Variants in OTOP2 observed in about 807,000 individuals in gnomAD.
OTOP2 encodes otopetrin 2.
A neutral mutation model predicts 47.4 loss-of-function variants in OTOP2; 41 were observed. The ratio of observed to expected loss-of-function variants is 0.87; its 90% CI spans 0.67 to 1.12. The LOEUF is 1.12. Ranked by LOEUF, OTOP2 falls within the 50% of genes most tolerant of loss-of-function variation. The probability of loss-of-function intolerance (pLI) is 0.00; values close to 1 mark genes in which losing one functional copy is unlikely to be tolerated. For missense variants in OTOP2, 721 were observed against 752.2 expected, an observed-to-expected ratio of 0.96 and a Z score of 0.49; for synonymous variants, 328 against 319.6, an observed-to-expected ratio of 1.03 and a Z score of -0.28.
intron 6 of OTOP2, among the ~76,000 whole-genome samples, chr17:74,932,349 G>A (rs1002104211): frequency 4.6e-5 from 7 of 152,104 alleles, no homozygotes; most frequent in African/African-American, 1.7e-4. Flanking sequence ...AGGTACACCA[G>A]TGGCCCTAAC....
intron 5 of OTOP2, among the ~76,000 whole-genome samples, chr17:74,928,843 C>T (rs936023619): frequency 3.3e-5 from 5 of 152,128 alleles, no homozygotes; most frequent in Admixed American, 6.5e-5. Context: ...TGGGAGGGTC[C>T]GGCAACAGAA....
In OTOP2 at chr17:74,930,775, C is replaced by T. The variant is rs778323840; in HGVS notation, c.1140C>T (p.Tyr380=). 33 of 1,614,038 alleles carry T rather than the reference C, an allele frequency of 2.0e-5. No homozygotes were observed. In the Admixed American group the frequency reaches 3.8e-4, roughly 19 times the overall value. ...TGATGGGTGCCGCCCTGGGTCAGTA[C>T]GCCATCTCTTACTACTCCATCGTGG... ...ALLMGAALGQ[Y]AISYYSIVAV... is the part of the protein sequence containing the mutation. The change falls in exon 6 of 7, where the codon TAC becomes TAT. Residue 380 remains tyrosine (Y), a synonymous_variant. Coordinates refer to ENST00000331427, the MANE Select transcript of OTOP2 (RefSeq NM_178160.3). This position sits in a 1 kb window ranked among gnomAD's most constrained non-coding sequence, Gnocchi z 4.0.
chr17:74,933,645 G>A lies in OTOP2; in HGVS notation c.*100G>A, dbSNP rs937307548. On this transcript the variant is annotated 3_prime_UTR_variant, in exon 7 of 7. Transcript: ENST00000331427. This position sits in a 1 kb window ranked among gnomAD's most constrained non-coding sequence, Gnocchi z 4.7. ...GAATCCCAGCTGGTGCCATATGACA[G>A]CCCATTTCCTTCTGGTCCCAGAGTG... The A allele has an allele frequency of 1.5e-6, 2 of 1,311,686 alleles. No individual in the cohort carries two copies. Among genetic ancestry groups the A allele is most frequent in the Non-Finnish European group, 1.0e-6 (1 of 977,240 alleles). The allele number at this position is 1,311,686 out of a possible 1,614,324, so 81.3% of individuals were successfully genotyped here.
At chr17:74,927,412 G>A in intron 4 of OTOP2, 131 bp downstream of exon 4, 1 of 1,162,184 alleles carries the variant, frequency 8.6e-7, no homozygotes. Context: ...AGCCCTCCTT[G>A]CTTTGTCAGG....
Position 74,930,137 on chromosome 17 carries a change from C to A in OTOP2, c.644-142C>A. ...GGTGAAGCTTGCAGTGAGCCAAGATCACACCATTGCACTCCAGCCTGAGCA... is the reference window on the plus strand; with the variant it reads ...GGTGAAGCTTGCAGTGAGCCAAGATAACACCATTGCACTCCAGCCTGAGCA... On this transcript the variant is annotated intron_variant, in intron 5 of 6. Coordinates refer to ENST00000331427, the MANE Select transcript of OTOP2 (RefSeq NM_178160.3). This position sits in a 1 kb window ranked among gnomAD's most constrained non-coding sequence, Gnocchi z 4.0. 1 of 909,164 alleles carries A rather than the reference C, an allele frequency of 1.1e-6. No individual in the cohort carries two copies. The allele number at this position is 909,164 out of a possible 1,614,324, so 56.3% of individuals were successfully genotyped here.
chr17:74,933,225 T>A lies in OTOP2; in HGVS notation c.1519-150T>A. ...GTGTGCTAGGTCCTGTCCAAAATGCTAGAGCTGCCCATTCACTGACACCCA... is the reference window on the plus strand; with the variant it reads ...GTGTGCTAGGTCCTGTCCAAAATGCAAGAGCTGCCCATTCACTGACACCCA... On this transcript the variant is annotated intron_variant, in intron 6 of 6. Coordinates refer to ENST00000331427, the MANE Select transcript of OTOP2 (RefSeq NM_178160.3). The surrounding 1 kb of genome is among the most constrained non-coding windows in gnomAD (Gnocchi z 4.7). 1.1e-6 allele frequency: 1 copy of A among 936,728 alleles called. No individual in the cohort carries two copies. The highest frequency in any genetic ancestry group is 1.7e-5 in the South Asian group (1 of 59,106). The allele number at this position is 936,728 out of a possible 1,614,324, so 58.0% of individuals were successfully genotyped here.
intron 4 of OTOP2, 62 bp from the exon 5 acceptor site, chr17:74,927,603 A>G: frequency 6.4e-7 from 1 of 1,569,584 alleles, no homozygotes; most frequent in Non-Finnish European, 8.6e-7. Flanking sequence ...AGCTCTCAGT[A>G]TTGCTCCCCA....
chr17:74,930,489 T>C lies in OTOP2; in HGVS notation c.854T>C (p.Phe285Ser), dbSNP rs2039045511. The C allele has an allele frequency of 1.2e-6, 2 of 1,613,316 alleles. No homozygotes were observed. The highest frequency in any genetic ancestry group is 2.7e-5 in the African/African-American group (2 of 74,908). ...HSHTPTPVSL[F>S]RETFFAGPVL... ...CACACCCCAACCCCTGTCAGCCTCT[T>C]CCGGGAGACCTTTTTTGCTGGCCCG... Residue 285 changes from phenylalanine to serine, a missense_variant, in exon 6 of 7, where the codon TTC (phenylalanine) becomes TCC (serine). Coordinates refer to ENST00000331427, the MANE Select transcript of OTOP2 (RefSeq NM_178160.3). This position sits in a 1 kb window ranked among gnomAD's most constrained non-coding sequence, Gnocchi z 4.0.
At chr17:74,928,070 C>T in intron 5 of OTOP2, 3 of 435,746 alleles carry the variant, frequency 6.9e-6, no homozygotes, top group Non-Finnish European at 1.2e-5. Context: ...GGACCAGGTG[C>T]AGTGGCTCAT....
chr17:74,930,847 C>T lies in OTOP2; in HGVS notation c.1212C>T (p.Leu404=). 1 of 1,614,132 alleles carries T rather than the reference C, an allele frequency of 6.2e-7. No homozygotes were observed. The highest frequency in any genetic ancestry group is 1.3e-5 in the African/African-American group (1 of 75,016). The change falls in exon 6 of 7, where the codon CTC becomes CTT. Residue 404 remains leucine (L), a synonymous_variant. Coordinates refer to ENST00000331427, the MANE Select transcript of OTOP2 (RefSeq NM_178160.3). The surrounding 1 kb of genome is among the most constrained non-coding windows in gnomAD (Gnocchi z 4.0). ...AGGACCTGCTGGCAGGGCTCAACCT[C>T]ACCCATGCACTGCTCATGATCGCCC... ...TPQDLLAGLN[L]THALLMIAQH... is the part of the protein sequence containing the mutation.
intron 5 of OTOP2, among the ~76,000 whole-genome samples, chr17:74,929,980 C>G (rs2039040373): frequency 6.6e-6 from 1 of 152,092 alleles, no homozygotes; most frequent in Admixed American, 6.5e-5. Flanking sequence ...GTCAGGAGTT[C>G]AAGACCAGCC....
At position 74,924,727 on chromosome 17, in the gene OTOP2, C is replaced by T. The variant is rs1392190825; in HGVS notation, c.95C>T (p.Ser32Leu). 2.5e-6 allele frequency: 4 copies of T among 1,607,974 alleles called. No individual in the cohort carries two copies. In the African/African-American group the frequency reaches 4.0e-5, roughly 16 times the overall value. Residue 32 changes from serine (S) to leucine (L), a missense_variant, in exon 2 of 7, where the codon TCG (serine) becomes TTG (leucine). Physicochemically the swap from Ser to Leu is moderately radical, Grantham distance 145. Transcript: ENST00000331427. This position sits in a 1 kb window ranked among gnomAD's most constrained non-coding sequence, Gnocchi z 7.7. ...EVWKKGGRLL[S>L]VLLAVNVLLL... is the part of the protein sequence containing the mutation. ...TGGAAGAAGGGTGGCCGCCTGCTGT[C>T]GGTGCTGCTGGCGGTGAACGTGCTG...
At position 74,933,538 on chromosome 17, in the gene OTOP2, T is replaced by C. The variant is rs1174821058; in HGVS notation, c.1682T>C (p.Leu561Pro). The change falls in exon 7 of 7, where the codon CTG (leucine) becomes CCG (proline). Residue 561 changes from leucine to proline, a missense_variant. Physicochemically the swap from Leu to Pro is moderately conservative, Grantham distance 98. Transcript: ENST00000331427. This position sits in a 1 kb window ranked among gnomAD's most constrained non-coding sequence, Gnocchi z 4.7. ...TCCAGCCTGCTGGAGGTCTACGTGCTGTCCTGAGGCCTCCAACAGAGGCAT... is the reference window on the plus strand; with the variant it reads ...TCCAGCCTGCTGGAGGTCTACGTGCCGTCCTGAGGCCTCCAACAGAGGCAT... ...AVSSLLEVYVLS is the reference protein window; with the variant it reads ...AVSSLLEVYVPS The C allele has an allele frequency of 1.2e-6, 2 of 1,600,070 alleles. No individual in the cohort carries two copies. The highest frequency in any genetic ancestry group is 1.7e-6 in the Non-Finnish European group (2 of 1,169,226).
Position 74,931,116 on chromosome 17 carries a change from A to G in OTOP2, c.1481A>G (p.Lys494Arg), listed in dbSNP as rs752696117. 6.2e-7 allele frequency: 1 copy of G among 1,609,846 alleles called. No homozygotes were observed. Among genetic ancestry groups the G allele is most frequent in the South Asian group, 1.1e-5 (1 of 90,714 alleles). Residue 494 changes from lysine to arginine, a missense_variant, in exon 6 of 7, where the codon AAA (lysine) becomes AGA (arginine). By Grantham distance (26) the Lys-to-Arg change is conservative (BLOSUM62 2). Coordinates refer to ENST00000331427, the MANE Select transcript of OTOP2 (RefSeq NM_178160.3). ...PRSQWRRQCL[K>R]DISLFLLLCN... Reference sequence around the variant, plus strand: ...AGCCAGTGGAGACGCCAGTGCCTAAAAGACATTTCTCTGTTTCTCCTACTC... The same window carrying G: ...AGCCAGTGGAGACGCCAGTGCCTAAGAGACATTTCTCTGTTTCTCCTACTC...
In OTOP2 at chr17:74,931,067, G is replaced by C. The variant is rs2039054101; in HGVS notation, c.1432G>C (p.Val478Leu). The C allele has an allele frequency of 1.9e-6, 3 of 1,614,062 alleles. No individual in the cohort carries two copies. ...CAGCCCTTCAGACCAGCGGGAAGCA[G>C]TGGCCATCGTCTCAACCCCCAGAAG... ...SPSPSDQREA[V>L]AIVSTPRSQW... is the part of the protein sequence containing the mutation. Residue 478 changes from valine to leucine, a missense_variant, in exon 6 of 7, where the codon GTG (valine) becomes CTG (leucine). By Grantham distance (32) the Val-to-Leu change is conservative. Coordinates refer to ENST00000331427, the MANE Select transcript of OTOP2 (RefSeq NM_178160.3).
Position 74,931,061 on chromosome 17 carries a change from G to A in OTOP2, c.1426G>A (p.Glu476Lys), listed in dbSNP as rs771569379. The A allele has an allele frequency of 1.2e-5, 20 of 1,614,044 alleles. No individual in the cohort carries two copies. The highest frequency in any genetic ancestry group is 1.1e-5 in the South Asian group (1 of 91,092). Residue 476 changes from glutamate to lysine, a missense_variant, in exon 6 of 7, where the codon GAA (glutamate) becomes AAA (lysine). Physicochemically the swap from Glu to Lys is moderately conservative, Grantham distance 56 (BLOSUM62 1). Transcript: ENST00000331427. ...TAGCCCCAGCCCTTCAGACCAGCGG[G>A]AAGCAGTGGCCATCGTCTCAACCCC... is the stretch of plus-strand genomic sequence containing the variant. Reference protein sequence around the residue: ...LVSPSPSDQREAVAIVSTPRS... With the variant: ...LVSPSPSDQRKAVAIVSTPRS...
Position 74,930,152 on chromosome 17 carries a change from C to T in OTOP2, c.644-127C>T, listed in dbSNP as rs1221764919. On this transcript the variant is annotated intron_variant, in intron 5 of 6. Coordinates refer to ENST00000331427, the MANE Select transcript of OTOP2 (RefSeq NM_178160.3). This position sits in a 1 kb window ranked among gnomAD's most constrained non-coding sequence, Gnocchi z 4.0. ...GAGCCAAGATCACACCATTGCACTC[C>T]AGCCTGAGCATCAAGAGTGAAACTC... 5.5e-6 allele frequency: 6 copies of T among 1,081,540 alleles called. No homozygotes were observed. The highest frequency in any genetic ancestry group is 7.8e-6 in the Non-Finnish European group (6 of 769,294). 67.0% of individuals were successfully genotyped at this position (1,081,540 alleles called of 1,614,324 possible).
chr17:74,927,460 G>A (rs2144765283), intron 4 of OTOP2, 179 bp downstream of exon 4: 2 of 1,017,096 alleles, frequency 2.0e-6, no homozygotes, highest in East Asian at 2.6e-5. Context: ...TTCTCCCAGG[G>A]GAGGGAGTGG....
In OTOP2 at chr17:74,924,831, A is replaced by G; in HGVS notation, c.199A>G (p.Thr67Ala). 1 of 1,610,814 alleles carries G rather than the reference A, an allele frequency of 6.2e-7. No homozygotes were observed. The highest frequency in any genetic ancestry group is 8.5e-7 in the Non-Finnish European group (1 of 1,178,800). The change falls in exon 2 of 7, where the codon ACT becomes GCT. Residue 67 changes from threonine to alanine, a missense_variant. Transcript: ENST00000331427. This position sits in a 1 kb window ranked among gnomAD's most constrained non-coding sequence, Gnocchi z 7.7. ...VYDTDVFALL[T>A]AMMLLATLWI... is the part of the protein sequence containing the mutation. ...CGACACCGACGTGTTCGCGCTGCTC[A>G]CTGCGATGATGCTGCTGGCAACGCT... is the stretch of plus-strand genomic sequence containing the variant.
Sources: gnomAD v4.1 joint callset for allele counts (sites outside exome capture counted in the v4.1 genomes callset) on GRCh38, gnomAD v4.1.1 for gene constraint, Gnocchi (gnomAD v3.1) non-coding constraint, MANE v1.5 for transcripts, NCBI Gene and HGNC (gene_info 2026-07-23, HGNC 2026-07-21) for gene names.